The following TMPRSS15 variants were observed in gnomAD, a reference collection of about 807,000 sequenced individuals.
TMPRSS15 encodes transmembrane serine protease 15.
Under a neutral mutation model 125.3 loss-of-function variants are expected in TMPRSS15, and 128 were observed. The ratio of observed to expected loss-of-function variants is 1.02; its 90% confidence interval spans 0.89 to 1.18. TMPRSS15 has a LOEUF of 1.18. Among genes scored for constraint, TMPRSS15 ranks in the 50% most tolerant of loss-of-function variants. The probability of loss-of-function intolerance (pLI) is 0.00; values close to 1 mark genes in which losing one functional copy is unlikely to be tolerated. For synonymous variants in TMPRSS15, 446 were observed against 423.2 expected, an observed-to-expected ratio of 1.05 and a Z score of -0.66; for missense variants, 1,283 against 1,212.7, an observed-to-expected ratio of 1.06 and a Z score of -0.86.
intron 18 of TMPRSS15, among the ~76,000 whole-genome samples, chr21:18,299,062 T>C (rs986449604): frequency 2.6e-5 from 4 of 152,184 alleles, no homozygotes; most frequent in African/African-American, 7.2e-5. Flanking sequence ...CAGATAAAAG[T>C]AACTGAAACA....
At chr21:18,304,416 C>T (rs933429092) in intron 18 of TMPRSS15, among the ~76,000 whole-genome samples, 6 of 151,984 alleles carry the variant, frequency 3.9e-5, no homozygotes, top group Admixed American at 6.6e-5. Context: ...AGAATGACCT[C>T]GGCCTTTTAA....
intron 10 of TMPRSS15, among the ~76,000 whole-genome samples, chr21:18,346,265 T>C (rs1366971646): frequency 6.6e-6 from 1 of 152,192 alleles, no homozygotes; most frequent in Non-Finnish European, 1.5e-5. Context: ...ATTTCATCTA[T>C]AACATTTTGC....
Position 18,372,306 on chromosome 21 carries a change from C to A in TMPRSS15, c.551G>T (p.Cys184Phe). Residue 184 changes from cysteine to phenylalanine, a missense_variant, in exon 6 of 25, where the codon TGC becomes TTC. Coordinates refer to ENST00000284885, the MANE Select transcript of TMPRSS15 (RefSeq NM_002772.3). ...AGTACAAGGACTTGAACCAGGCAGG[C>A]ACTCTATTGAGACATTTCCTTTAAA... ...LATPGNVSIECLPGSSPCTDA... is the reference protein window; with the variant it reads ...LATPGNVSIEFLPGSSPCTDA... 1 of 1,613,050 alleles carries A rather than the reference C, an allele frequency of 6.2e-7. No individual in the cohort carries two copies. Among genetic ancestry groups the A allele is most frequent in the African/African-American group, 1.3e-5 (1 of 74,986 alleles).
intron 1 of TMPRSS15, among the ~76,000 whole-genome samples, chr21:18,445,447 C>T (rs972229839): frequency 2.0e-5 from 3 of 152,098 alleles, no homozygotes; most frequent in Admixed American, 6.6e-5. Flanking sequence ...TCCCAAAGTG[C>T]TCGAATTGTA....
intron 18 of TMPRSS15, among the ~76,000 whole-genome samples, chr21:18,311,262 A>G (rs1010682978): frequency 6.6e-6 from 1 of 152,166 alleles, no homozygotes; most frequent in Non-Finnish European, 1.5e-5. Context: ...AAAAGCTTCT[A>G]CACAGCAAAG....
In TMPRSS15 at chr21:18,435,528, T is replaced by C. The variant is rs574327312; in HGVS notation, c.11-37199A>G. Among the ~76,000 whole-genome samples, 294 of 152,300 alleles carry C rather than the reference T, an allele frequency of 1.9e-3. 1 individual carries two copies. Among genetic ancestry groups the C allele is most frequent in the Admixed American group, 2.2e-3 (34 of 15,290 alleles). ...CTTTTTGATGTGCTGCTAGATTCGG[T>C]TTTCCAGTATTTTATTGAGGATTTT... On this transcript the variant is annotated intron_variant, in intron 1 of 7. Transcript: ENST00000422787.
At chr21:18,338,492 T>C (rs1400331880) in intron 13 of TMPRSS15, among the ~76,000 whole-genome samples, 1 of 152,144 alleles carries the variant, frequency 6.6e-6, no homozygotes, top group Non-Finnish European at 1.5e-5. Flanking sequence ...CTCTTCCATA[T>C]AATAAATAGG....
chr21:18,339,964 T>C (rs958480829), intron 13 of TMPRSS15, among the ~76,000 whole-genome samples: 1 of 152,208 alleles, frequency 6.6e-6, no homozygotes, highest in Non-Finnish European at 1.5e-5. Flanking sequence ...TTATAGGACA[T>C]TGTGAACCTT....
intron 1 of TMPRSS15, among the ~76,000 whole-genome samples, chr21:18,445,032 A>G (rs2076252003): frequency 6.6e-6 from 1 of 152,100 alleles, no homozygotes; most frequent in Non-Finnish European, 1.5e-5. Flanking sequence ...GTTTTGCAAC[A>G]AGCTAATGTT....
intron 1 of TMPRSS15, among the ~76,000 whole-genome samples, chr21:18,432,171 C>T (rs2076217482): frequency 6.6e-6 from 1 of 152,038 alleles, no homozygotes; most frequent in African/African-American, 2.4e-5. Context: ...TTATCATTTC[C>T]TCCATTCCTC....
At chr21:18,312,316 G>A (rs2075108492) in intron 18 of TMPRSS15, among the ~76,000 whole-genome samples, 1 of 151,750 alleles carries the variant, frequency 6.6e-6, no homozygotes, top group Non-Finnish European at 1.5e-5. Context: ...AGCTATTAAT[G>A]CATTAGACTG....
At chr21:18,458,835 G>A (rs1978492401) in intron 1 of TMPRSS15, among the ~76,000 whole-genome samples, 1 of 152,076 alleles carries the variant, frequency 6.6e-6, no homozygotes, top group East Asian at 1.9e-4. Context: ...AATACCATGA[G>A]CAACTATTTC....
At chr21:18,423,715 C>A (rs1223995671) in intron 1 of TMPRSS15, among the ~76,000 whole-genome samples, 1 of 151,960 alleles carries the variant, frequency 6.6e-6, no homozygotes, top group African/African-American at 2.4e-5. Context: ...CGCGCCCGGC[C>A]TAAAATAAAT....
At chr21:18,430,400 T>C (rs2123209583) in intron 1 of TMPRSS15, among the ~76,000 whole-genome samples, 1 of 152,328 alleles carries the variant, frequency 6.6e-6, no homozygotes, top group Middle Eastern at 3.4e-3. Context: ...TCTAGTTACT[T>C]ATTTTGGCAG....
chr21:18,386,574 C>T (rs1476225935), intron 3 of TMPRSS15, among the ~76,000 whole-genome samples: 1 of 152,084 alleles, frequency 6.6e-6, no homozygotes, highest in African/African-American at 2.4e-5. Context: ...TTTCCTCCTC[C>T]TCTTCTTCCT....
chr21:18,452,192 A>G (rs571106862), intron 1 of TMPRSS15, among the ~76,000 whole-genome samples: 6 of 152,272 alleles, frequency 3.9e-5, no homozygotes, highest in African/African-American at 1.4e-4. Flanking sequence ...TGTTAGTAAC[A>G]TATTTAAGGC....
intron 18 of TMPRSS15, among the ~76,000 whole-genome samples, chr21:18,306,538 G>T (rs996294447): frequency 2.6e-5 from 4 of 152,032 alleles, no homozygotes; most frequent in Admixed American, 2.6e-4. Context: ...AAGTATCTTG[G>T]ACAGGACTAA....
intron 1 of TMPRSS15, among the ~76,000 whole-genome samples, chr21:18,459,702 A>C (rs978579949): frequency 6.6e-6 from 1 of 152,176 alleles, no homozygotes; most frequent in African/African-American, 2.4e-5. Flanking sequence ...CTTTCATATA[A>C]ATTTTACAAT....
At chr21:18,462,848 A>C (rs1294037414) in intron 1 of TMPRSS15, among the ~76,000 whole-genome samples, 1 of 152,122 alleles carries the variant, frequency 6.6e-6, no homozygotes, top group East Asian at 1.9e-4. Context: ...CATCAGACTA[A>C]CAATGGATCT....
Sources: gnomAD v4.1 joint callset for allele counts (sites outside exome capture counted in the v4.1 genomes callset) on GRCh38, gnomAD v4.1.1 for gene constraint, MANE v1.5 for transcripts, NCBI Gene and HGNC (gene_info 2026-07-23, HGNC 2026-07-21) for gene names.